KCNAB1: variants seen among roughly 807,000 people sequenced by gnomAD.
KCNAB1 encodes potassium voltage-gated channel subfamily A regulatory beta subunit 1, also known as voltage-gated potassium channel subunit beta-1.
Under a neutral mutation model 64.6 loss-of-function variants are expected in KCNAB1, and 35 were observed. That is an observed-to-expected ratio of 0.54 (90% CI 0.41 to 0.72). KCNAB1 has a LOEUF of 0.72. Among genes scored for constraint, KCNAB1 ranks in the 30% least tolerant of loss-of-function variants. The pLI is 0.00. For synonymous variants in KCNAB1, 177 were observed against 183.8 expected, an observed-to-expected ratio of 0.96 and a Z score of 0.30; for missense variants, 401 against 512.9, an observed-to-expected ratio of 0.78 and a Z score of 2.11.
In KCNAB1 at chr3:156,370,232, T is replaced by A. The variant is rs538633692; in HGVS notation, c.276-51384T>A. ...CTCCTCTGATGTCAGCACTAAAACATACAGGTCTGGGCATTCTATTGTTGA... is the reference window on the plus strand; with the variant it reads ...CTCCTCTGATGTCAGCACTAAAACAAACAGGTCTGGGCATTCTATTGTTGA... On this transcript the variant is annotated intron_variant, in intron 1 of 13. Coordinates refer to ENST00000490337, the MANE Select transcript of KCNAB1 (RefSeq NM_172160.3). 8.5e-5 allele frequency among the ~76,000 whole-genome samples: 13 copies of A among 152,252 alleles called. 1 individual carries two copies. In the South Asian group the frequency reaches 2.3e-3, roughly 27 times the overall value.
chr3:156,180,363 A>G (rs1202430826), intron 1 of KCNAB1, among the ~76,000 whole-genome samples: 1 of 152,202 alleles, frequency 6.6e-6, no homozygotes, highest in African/African-American at 2.4e-5. Context: ...CATACTGACT[A>G]GTTGTGGATT....
chr3:156,405,920 A>G (rs1406641999), intron 1 of KCNAB1, among the ~76,000 whole-genome samples: 1 of 152,198 alleles, frequency 6.6e-6, no homozygotes, highest in Non-Finnish European at 1.5e-5. Flanking sequence ...TGATTATTAA[A>G]AGTAGAATTA....
At chr3:156,266,611 G>A (rs1718731223) in intron 1 of KCNAB1, among the ~76,000 whole-genome samples, 1 of 152,164 alleles carries the variant, frequency 6.6e-6, no homozygotes, top group East Asian at 1.9e-4. Flanking sequence ...TCAGTTATTA[G>A]AATTCACAAA....
intron 1 of KCNAB1, among the ~76,000 whole-genome samples, chr3:156,156,091 G>T (rs1715694198): frequency 6.6e-6 from 1 of 152,040 alleles, no homozygotes; most frequent in Non-Finnish European, 1.5e-5. Flanking sequence ...ATACAATGTG[G>T]CCCAAGACTC....
intron 1 of KCNAB1, among the ~76,000 whole-genome samples, chr3:156,392,182 T>A (rs1166385763): frequency 6.6e-6 from 1 of 152,188 alleles, no homozygotes; most frequent in Non-Finnish European, 1.5e-5. Context: ...TGGTGTATGT[T>A]TCTGATTACT....
At chr3:156,335,295 A>C (rs1005581897) in intron 1 of KCNAB1, among the ~76,000 whole-genome samples, 1 of 152,148 alleles carries the variant, frequency 6.6e-6, no homozygotes, top group Non-Finnish European at 1.5e-5. Context: ...GTGTGTTTAC[A>C]CACCCTCCCC....
chr3:156,273,119 T>C (rs1719127945), intron 1 of KCNAB1, among the ~76,000 whole-genome samples: 1 of 138,248 alleles, frequency 7.2e-6, no homozygotes, highest in Non-Finnish European at 1.5e-5. Flanking sequence ...CCCTCTCCTC[T>C]CCTCAAGTGA....
At chr3:156,377,914 G>A (rs1319803847) in intron 1 of KCNAB1, among the ~76,000 whole-genome samples, 4 of 152,106 alleles carry the variant, frequency 2.6e-5, no homozygotes, top group Non-Finnish European at 4.4e-5. Flanking sequence ...AGACAGGAAC[G>A]ATTGGTTCCA....
At chr3:156,213,249 C>T (rs1013714802) in intron 1 of KCNAB1, among the ~76,000 whole-genome samples, 1 of 147,354 alleles carries the variant, frequency 6.8e-6, no homozygotes, top group Non-Finnish European at 1.5e-5. Context: ...GACAGAGTCT[C>T]GTTCTGTTAC....
In KCNAB1 at chr3:156,506,108, A is replaced by T. The variant is rs1716819351; in HGVS notation, c.659-8256A>T. On this transcript the variant is annotated intron_variant, in intron 8 of 13. Coordinates refer to ENST00000490337, the MANE Select transcript of KCNAB1 (RefSeq NM_172160.3). ...TATTGTAAATGATATTGCTTTCATG[A>T]TTTATTTTTCAGCTAGTTTGTTGTT... is the stretch of plus-strand genomic sequence containing the variant. Among the ~76,000 whole-genome samples, 2 of 152,258 alleles carry T rather than the reference A, an allele frequency of 1.3e-5. 1 individual carries two copies. The highest frequency in any genetic ancestry group is 4.8e-5 in the African/African-American group (2 of 41,550).
chr3:156,470,631 G>A (rs933855466), intron 7 of KCNAB1, among the ~76,000 whole-genome samples: 2 of 152,206 alleles, frequency 1.3e-5, no homozygotes, highest in Admixed American at 6.5e-5. Context: ...AGCTGTGTCC[G>A]ACTCTACATT....
intron 1 of KCNAB1, among the ~76,000 whole-genome samples, chr3:156,238,373 G>C (rs890596924): frequency 7.3e-6 from 1 of 136,634 alleles, no homozygotes; most frequent in Admixed American, 8.1e-5. Context: ...AGTGAGCCGA[G>C]ATCACGCCAC....
chr3:156,307,257 A>T (rs1175924696), intron 1 of KCNAB1, among the ~76,000 whole-genome samples: 2 of 152,184 alleles, frequency 1.3e-5, no homozygotes, highest in Non-Finnish European at 2.9e-5. Flanking sequence ...CTGCAAAGAG[A>T]CATGAGTCTC....
intron 8 of KCNAB1, among the ~76,000 whole-genome samples, chr3:156,487,727 G>C (rs530454456): frequency 1.1e-4 from 17 of 151,858 alleles, no homozygotes; most frequent in Non-Finnish European, 2.4e-4. Context: ...TGTATTAAGG[G>C]CAAAAAGGAA....
In KCNAB1 at chr3:156,259,948, G is replaced by A. The variant is rs563671013; in HGVS notation, c.275+139062G>A. ...ATCCAGACCCAGTGTTATGCCCAAC[G>A]GGGAACGTTTCTGGATGCCCCTGGA... On this transcript the variant is annotated intron_variant, in intron 1 of 13. Transcript: ENST00000490337. 1.5e-4 allele frequency among the ~76,000 whole-genome samples: 23 copies of A among 152,278 alleles called. No homozygotes were observed. The East Asian group carries it at 3.5e-3, about 23-fold the overall frequency.
chr3:156,461,023 C>G (rs1028572293), intron 5 of KCNAB1, among the ~76,000 whole-genome samples: 2 of 152,180 alleles, frequency 1.3e-5, no homozygotes, highest in African/African-American at 4.8e-5. Context: ...TCCCAGGGAA[C>G]TGTAAGGATG....
At chr3:156,310,450 C>T (rs1721813102) in intron 1 of KCNAB1, among the ~76,000 whole-genome samples, 1 of 152,098 alleles carries the variant, frequency 6.6e-6, no homozygotes, top group Non-Finnish European at 1.5e-5. Context: ...GATGAGTTTG[C>T]AAGCTACAGA....
In KCNAB1 at chr3:156,319,835, T is replaced by C. The variant is rs79776803; in HGVS notation, c.276-101781T>C. 2.5e-3 allele frequency among the ~76,000 whole-genome samples: 380 copies of C among 152,334 alleles called. 1 individual carries two copies. The highest frequency in any genetic ancestry group is 8.8e-3 in the African/African-American group (367 of 41,568). On this transcript the variant is annotated intron_variant, in intron 1 of 13. Coordinates refer to ENST00000490337, the MANE Select transcript of KCNAB1 (RefSeq NM_172160.3). ...TCCAAATAACCTGGTAATCAAGTGCTTAACCAGATGGAAGGAAACAAAAAC... is the reference window on the plus strand; with the variant it reads ...TCCAAATAACCTGGTAATCAAGTGCCTAACCAGATGGAAGGAAACAAAAAC...
chr3:156,247,801 G>A (rs1182073073), intron 1 of KCNAB1, among the ~76,000 whole-genome samples: 1 of 152,168 alleles, frequency 6.6e-6, no homozygotes, highest in Non-Finnish European at 1.5e-5. Context: ...CTGGGATCAA[G>A]TGATCTGCCC....
Sources: allele counts gnomAD v4.1 joint callset (sites outside exome capture counted in the v4.1 genomes callset), GRCh38; gene constraint gnomAD v4.1.1; transcripts MANE v1.5; gene names NCBI Gene and HGNC (gene_info 2026-07-23, HGNC 2026-07-21).